The following FGF13 variants were observed in gnomAD, a reference collection of about 807,000 sequenced individuals.
FGF13 encodes fibroblast growth factor homologous factor 2.
FGF13 carries 2 observed loss-of-function variants against 19.5 expected under a neutral mutation model. The observed-to-expected ratio is 0.10, with a 90% CI of 0.04 to 0.32. FGF13 has a LOEUF of 0.32. FGF13 is among the 10% of genes least tolerant of loss of function. The probability of loss-of-function intolerance (pLI) is 1.00; values close to 1 mark genes in which losing one functional copy is unlikely to be tolerated. For missense variants in FGF13, 113 were observed against 192.7 expected (o/e 0.59, Z 2.45); for synonymous variants, 72 against 76.9 (o/e 0.94, Z 0.33).
At chrX:138,715,109 C>T (rs1441492944), upstream of FGF13, among the ~76,000 whole-genome samples, 1 of 111,879 alleles carries the variant, frequency 8.9e-6, no homozygotes, top group Admixed American at 9.5e-5. Flanking sequence ...GTCTATTCTC[C>T]GTTGTTTCTC....
At chrX:139,034,426 T>C (rs1479897052) in intron 1 of FGF13, among the ~76,000 whole-genome samples, 6 of 111,283 alleles carry the variant, frequency 5.4e-5, no homozygotes, top group African/African-American at 2.0e-4. Context: ...ACAACATGTA[T>C]GAAGACCCAG....
intron 1 of FGF13, among the ~76,000 whole-genome samples, chrX:139,026,259 T>C (rs1471299100): frequency 9.0e-6 from 1 of 111,262 alleles, no homozygotes; most frequent in Non-Finnish European, 1.9e-5. Flanking sequence ...CGTTAACATA[T>C]TTCTCCTTGA....
chrX:138,958,272 G>A (rs924582849), intron 1 of FGF13, among the ~76,000 whole-genome samples: 2 of 111,610 alleles, frequency 1.8e-5, no homozygotes, highest in African/African-American at 3.3e-5. Flanking sequence ...TTTCTGCATC[G>A]ATTGAGATAA....
At chrX:139,014,214 A>G (rs940692947) in intron 1 of FGF13, among the ~76,000 whole-genome samples, 1 of 111,708 alleles carries the variant, frequency 9.0e-6, no homozygotes, top group African/African-American at 3.2e-5. Context: ...AAGCAAGCAC[A>G]AACCAAACAC....
upstream of FGF13, chrX:138,716,632 C>T (rs1314828283): frequency 3.6e-5 from 4 of 111,690 alleles, no homozygotes; most frequent in African/African-American, 6.5e-5. Flanking sequence ...ACACTTAACT[C>T]CAGGAAGAAA....
intron 1 of FGF13, among the ~76,000 whole-genome samples, chrX:138,914,903 C>T (rs1443054116): frequency 9.0e-6 from 1 of 111,307 alleles, no homozygotes; most frequent in Non-Finnish European, 1.9e-5. Flanking sequence ...TTGGCACTGC[C>T]TGCTCCTGTG....
Position 139,035,323 on chromosome X carries a change from A to C in FGF13, c.-113+168093T>G, listed in dbSNP as rs773059349. ...ATCACAGGGACTATTTTGTTATAAT[A>C]GTGATCTTCAACGTTAGCTACATAT... is the stretch of plus-strand genomic sequence containing the variant. On this transcript the variant is annotated intron_variant, in intron 1 of 2. Transcript: ENST00000421460. Among the ~76,000 whole-genome samples the C allele has an allele frequency of 1.5e-3, 170 of 111,238 alleles. 4 individuals carry two copies. In the Middle Eastern group the frequency reaches 0.023, roughly 15 times the overall value.
chrX:138,845,449 G>GTTA (rs1030189301), intron 3 of FGF13, among the ~76,000 whole-genome samples: 2 of 111,966 alleles, frequency 1.8e-5, no homozygotes, highest in Non-Finnish European at 3.8e-5. Context: ...AGATAAATAA[G>GTTA]TTATTTGTAA....
At chrX:139,097,030 A>G (rs2083474827) in intron 1 of FGF13, among the ~76,000 whole-genome samples, 1 of 112,220 alleles carries the variant, frequency 8.9e-6, no homozygotes, top group Non-Finnish European at 1.9e-5. Context: ...ATGAGAAAGG[A>G]AAAATATATA....
intron 3 of FGF13, among the ~76,000 whole-genome samples, chrX:138,645,218 G>A (rs918604463): frequency 8.9e-6 from 1 of 112,226 alleles, no homozygotes; most frequent in Non-Finnish European, 1.9e-5. Flanking sequence ...TGAGAGGAGA[G>A]TTCCTCCCAC....
chrX:138,912,396 C>G (rs1367514033), intron 1 of FGF13, among the ~76,000 whole-genome samples: 7 of 111,302 alleles, frequency 6.3e-5, no homozygotes, highest in Non-Finnish European at 1.1e-4. Flanking sequence ...TCCTTCAAAT[C>G]AGAGGCAGTG....
chrX:138,701,611 TTC>T (rs953573951), intron 3 of FGF13, among the ~76,000 whole-genome samples: 7 of 112,407 alleles, frequency 6.2e-5, no homozygotes, highest in Non-Finnish European at 1.1e-4. Context: ...ATGCTGATAA[TTC>T]TCTTTTTTTC....
chrX:138,815,434 T>C (rs1033452562), intron 3 of FGF13, among the ~76,000 whole-genome samples: 5 of 110,877 alleles, frequency 4.5e-5, no homozygotes, highest in African/African-American at 1.6e-4. Context: ...ACACCGTACA[T>C]TGTAAATACG....
At chrX:139,130,805 G>A (rs6528592) in intron 1 of FGF13, among the ~76,000 whole-genome samples, 34,157 of 110,775 alleles carry the variant, frequency 0.31, 4,379 homozygotes, top group African/African-American at 0.5. Context: ...AATCATACTC[G>A]TTTTTGGGTT....
chrX:138,989,956 G>T (rs2092008815), intron 1 of FGF13, among the ~76,000 whole-genome samples: 1 of 111,525 alleles, frequency 9.0e-6, no homozygotes, highest in African/African-American at 3.3e-5. Flanking sequence ...ATTAAGTGAA[G>T]ACTTAGTATA....
chrX:138,784,287 C>A, intron 3 of FGF13, among the ~76,000 whole-genome samples: 1 of 96,245 alleles, frequency 1.0e-5, no homozygotes, highest in Non-Finnish European at 2.1e-5. Context: ...GCACAATGTG[C>A]ACATGTACCC....
intron 1 of FGF13, among the ~76,000 whole-genome samples, chrX:139,123,264 C>T (rs1308572767): frequency 9.0e-6 from 1 of 111,708 alleles, no homozygotes; most frequent in Admixed American, 9.5e-5. Context: ...TGGCTCAAAA[C>T]CTTCTAAAAG....
chrX:139,195,193 C>T (rs143570236), intron 1 of FGF13, among the ~76,000 whole-genome samples: 1 of 111,305 alleles, frequency 9.0e-6, no homozygotes, highest in Non-Finnish European at 1.9e-5. Context: ...TCCCAGCTAG[C>T]CGAAAAACAA....
intron 1 of FGF13, among the ~76,000 whole-genome samples, chrX:138,737,053 A>C (rs2090281349): frequency 9.0e-6 from 1 of 111,654 alleles, no homozygotes; most frequent in African/African-American, 3.3e-5. Flanking sequence ...AAGCATAATC[A>C]TGAGAGCTTC....
Sources: gnomAD v4.1 joint callset for allele counts (sites outside exome capture counted in the v4.1 genomes callset) on GRCh38, gnomAD v4.1.1 for gene constraint, MANE v1.5 for transcripts, NCBI Gene and HGNC (gene_info 2026-07-23, HGNC 2026-07-21) for gene names.